WARS2: variants seen among roughly 807,000 people sequenced by gnomAD.
WARS2 encodes tryptophan--tRNA ligase, mitochondrial.
WARS2 carries 28 observed loss-of-function variants against 36.5 expected under a neutral mutation model. The observed-to-expected ratio is 0.77, with a 90% CI of 0.57 to 1.05. The LOEUF is 1.05. Ranked by LOEUF, WARS2 falls within the 50% of genes least tolerant of loss-of-function variation. WARS2 has a pLI of 0.00. For synonymous variants in WARS2, 174 were observed against 178.4 expected, an observed-to-expected ratio of 0.98 and a Z score of 0.20; for missense variants, 435 against 456.8, an observed-to-expected ratio of 0.95 and a Z score of 0.44.
At chr1:119,064,045 A>G (rs534969841) in intron 2 of WARS2, 1 of 152,108 alleles carries the variant, frequency 6.6e-6, no homozygotes, top group African/African-American at 2.4e-5. Context: ...CGGCCTGTGA[A>G]AGCAGCCAGG....
chr1:119,130,900 C>T lies in WARS2; in HGVS notation c.90+9655G>A, dbSNP rs117984307. On this transcript the variant is annotated intron_variant, in intron 1 of 5. Transcript: ENST00000235521. ...CATGACTGGTGGTGGCCTCTAGAAACATACTGCCTGGTGAGGTCTGCCTGT... is the reference window on the plus strand; with the variant it reads ...CATGACTGGTGGTGGCCTCTAGAAATATACTGCCTGGTGAGGTCTGCCTGT... Among the ~76,000 whole-genome samples the T allele has an allele frequency of 3.9e-5, 6 of 152,238 alleles. No homozygotes were observed. In the East Asian group the frequency reaches 1.2e-3, roughly 29 times the overall value.
At chr1:119,040,633 G>A (rs1445733737) in intron 4 of WARS2, among the ~76,000 whole-genome samples, 1 of 152,202 alleles carries the variant, frequency 6.6e-6, no homozygotes, top group Non-Finnish European at 1.5e-5. Flanking sequence ...CTATAAAGAA[G>A]TAGGCCTTGA....
intron 1 of WARS2, among the ~76,000 whole-genome samples, chr1:119,123,713 T>C (rs587641061): frequency 6.6e-6 from 1 of 152,294 alleles, no homozygotes; most frequent in African/African-American, 2.4e-5. Flanking sequence ...GATAATACTA[T>C]CTTGTCTGGT....
chr1:119,069,584 C>A (rs1056883200), intron 2 of WARS2, among the ~76,000 whole-genome samples: 1 of 152,118 alleles, frequency 6.6e-6, no homozygotes, highest in Non-Finnish European at 1.5e-5. Flanking sequence ...AGAAGGTAAT[C>A]AGATCATCCA....
chr1:119,115,799 G>T (rs893388174), intron 1 of WARS2, among the ~76,000 whole-genome samples: 1 of 152,174 alleles, frequency 6.6e-6, no homozygotes, highest in African/African-American at 2.4e-5. Context: ...TGACACCCAT[G>T]ACACTTTCTG....
chr1:119,068,327 G>T (rs1422226519), intron 2 of WARS2, among the ~76,000 whole-genome samples: 4 of 152,190 alleles, frequency 2.6e-5, no homozygotes, highest in Non-Finnish European at 5.9e-5. Flanking sequence ...AGTTGGTGAG[G>T]TATAACTTTT....
At chr1:119,129,389 A>C (rs1026397866) in intron 1 of WARS2, among the ~76,000 whole-genome samples, 1 of 152,152 alleles carries the variant, frequency 6.6e-6, no homozygotes, top group Non-Finnish European at 1.5e-5. Flanking sequence ...TTAGACATAG[A>C]TTTACCAGAA....
At chr1:119,091,710 G>A (rs1334241118) in intron 1 of WARS2, among the ~76,000 whole-genome samples, 2 of 152,186 alleles carry the variant, frequency 1.3e-5, no homozygotes, top group Non-Finnish European at 2.9e-5. Flanking sequence ...AGCAGCTTCA[G>A]TGCTAATTCT....
chr1:119,069,917 G>A (rs1209300330), intron 2 of WARS2, among the ~76,000 whole-genome samples: 2 of 152,142 alleles, frequency 1.3e-5, no homozygotes, highest in African/African-American at 2.4e-5. Context: ...AAGCAGAGAC[G>A]TGAGGGCTGG....
chr1:119,121,755 T>G (rs1481981468), intron 1 of WARS2, among the ~76,000 whole-genome samples: 1 of 152,144 alleles, frequency 6.6e-6, no homozygotes, highest in Non-Finnish European at 1.5e-5. Flanking sequence ...TACAGCCAAC[T>G]GATCTTCAAG....
chr1:119,129,738 T>A lies in WARS2; in HGVS notation c.90+10817A>T, dbSNP rs200211993. Reference sequence around the variant, plus strand: ...TCAAAAAATAAAAATAAAAAAAAAATAAAATAAAATAAATCCCATTCTCTC... The same window carrying A: ...TCAAAAAATAAAAATAAAAAAAAAAAAAAATAAAATAAATCCCATTCTCTC... On this transcript the variant is annotated intron_variant, in intron 1 of 5. Coordinates refer to ENST00000235521, the MANE Select transcript of WARS2 (RefSeq NM_015836.4). 6.7e-4 allele frequency among the ~76,000 whole-genome samples: 97 copies of A among 144,778 alleles called. No individual in the cohort carries two copies. The South Asian group carries it at 8.8e-3, about 13-fold the overall frequency. 95.0% of individuals were successfully genotyped at this position (144,778 alleles called of 152,430 possible).
In WARS2 at chr1:119,097,496, G is replaced by A. The variant is rs114555462; in HGVS notation, c.91-20889C>T. On this transcript the variant is annotated intron_variant, in intron 1 of 5. Coordinates refer to ENST00000235521, the MANE Select transcript of WARS2 (RefSeq NM_015836.4). ...TTTGCACTTGCAATTCTCTCTGCCT[G>A]GAATCCCTTTCTTGACCTAACAAAT... Among the ~76,000 whole-genome samples, 1,182 of 152,190 alleles carry A rather than the reference G, an allele frequency of 7.8e-3. 14 individuals are homozygous for A. The highest frequency in any genetic ancestry group is 0.027 in the African/African-American group (1,123 of 41,510).
chr1:119,094,170 T>C (rs1653254726), intron 1 of WARS2, among the ~76,000 whole-genome samples: 1 of 152,220 alleles, frequency 6.6e-6, no homozygotes, highest in Admixed American at 6.5e-5. Flanking sequence ...TTGACTTTGC[T>C]CCATTTATTT....
At chr1:119,137,312 A>G (rs1476704989) in intron 1 of WARS2, among the ~76,000 whole-genome samples, 1 of 152,226 alleles carries the variant, frequency 6.6e-6, no homozygotes, top group Non-Finnish European at 1.5e-5. Flanking sequence ...TGTGAGAATT[A>G]AATACAGGGT....
chr1:119,098,443 T>A (rs1653611477), intron 1 of WARS2, among the ~76,000 whole-genome samples: 1 of 152,196 alleles, frequency 6.6e-6, no homozygotes, highest in African/African-American at 2.4e-5. Context: ...ATTTTATTAC[T>A]ATTTTTCTTT....
chr1:119,046,841 G>A (rs1440272062), intron 2 of WARS2, among the ~76,000 whole-genome samples: 1 of 150,928 alleles, frequency 6.6e-6, no homozygotes, highest in Non-Finnish European at 1.5e-5. Context: ...TCTGAAAAGT[G>A]GCCCCAAATG....
At chr1:119,089,990 G>A (rs1162449234) in intron 1 of WARS2, among the ~76,000 whole-genome samples, 1 of 152,090 alleles carries the variant, frequency 6.6e-6, no homozygotes, top group Admixed American at 6.6e-5. Context: ...GAGAGGGAGA[G>A]CATCAGGAAG....
chr1:119,111,784 G>A (rs951562916), intron 1 of WARS2, among the ~76,000 whole-genome samples: 2 of 152,128 alleles, frequency 1.3e-5, no homozygotes, highest in Non-Finnish European at 2.9e-5. Flanking sequence ...GGAGGTTTCT[G>A]CTCATGGGTT....
intron 1 of WARS2, among the ~76,000 whole-genome samples, chr1:119,116,139 T>C (rs1242438826): frequency 6.6e-6 from 1 of 152,224 alleles, no homozygotes; most frequent in Non-Finnish European, 1.5e-5. Context: ...TTTGACTTTC[T>C]ATCATACCAG....
Sources: gnomAD v4.1 joint callset for allele counts (sites outside exome capture counted in the v4.1 genomes callset) on GRCh38, gnomAD v4.1.1 for gene constraint, MANE v1.5 for transcripts, NCBI Gene and HGNC (gene_info 2026-07-23, HGNC 2026-07-21) for gene names.